The following PLGRKT variants were observed in gnomAD, a reference collection of about 807,000 sequenced individuals.
The protein encoded by PLGRKT is plasminogen receptor (KT).
A neutral mutation model predicts 18.5 loss-of-function variants in PLGRKT; 22 were observed. The observed-to-expected ratio is 1.19, with a 90% CI of 0.85 to 1.70. The LOEUF is 1.70. PLGRKT is among the 40% of genes most tolerant of loss of function. The pLI is 0.00. For missense variants in PLGRKT, 235 were observed against 174.4 expected (o/e 1.35, Z -1.96); for synonymous variants, 72 against 52.8 (o/e 1.36, Z -1.58).
chr9:5,401,794 G>A (rs1014808395), intron 3 of PLGRKT, among the ~76,000 whole-genome samples: 13 of 151,886 alleles, frequency 8.6e-5, no homozygotes, highest in Admixed American at 7.2e-4. Flanking sequence ...ATATCTGAAA[G>A]GTGACATCAA....
chr9:5,430,744 T>A (rs1035884620), intron 3 of PLGRKT, among the ~76,000 whole-genome samples: 2 of 152,226 alleles, frequency 1.3e-5, no homozygotes, highest in East Asian at 3.8e-4. Flanking sequence ...CCAGAGGACT[T>A]TCTACTCCCA....
chr9:5,379,224 G>A (rs993823857), intron 3 of PLGRKT, among the ~76,000 whole-genome samples: 2 of 151,956 alleles, frequency 1.3e-5, no homozygotes. Context: ...ATAATACCCA[G>A]GAAGAAATAC....
chr9:5,361,956 T>C, intron 3 of PLGRKT, 68 bp from the exon 4 acceptor site: 1 of 1,451,840 alleles, frequency 6.9e-7, no homozygotes, highest in Non-Finnish European at 9.4e-7. Context: ...GTTAATAATC[T>C]GTTTTTCCAG....
chr9:5,390,946 T>C (rs1346061186), intron 3 of PLGRKT, among the ~76,000 whole-genome samples: 1 of 151,838 alleles, frequency 6.6e-6, no homozygotes, highest in Admixed American at 6.6e-5. Flanking sequence ...AAGGGGGACA[T>C]TAGTGGTTGG....
At chr9:5,414,242 C>T (rs1818417375) in intron 3 of PLGRKT, among the ~76,000 whole-genome samples, 1 of 152,206 alleles carries the variant, frequency 6.6e-6, no homozygotes, top group African/African-American at 2.4e-5. Context: ...TCTCGCCTCA[C>T]TGCAACTTCC....
chr9:5,381,959 C>T, intron 3 of PLGRKT: 2 of 984,908 alleles, frequency 2.0e-6, no homozygotes, highest in Non-Finnish European at 2.4e-6. Flanking sequence ...CCTGAGCCAG[C>T]TCTCAAGCAC....
At chr9:5,432,893 A>G (rs909007449) in intron 2 of PLGRKT, among the ~76,000 whole-genome samples, 6 of 152,178 alleles carry the variant, frequency 3.9e-5, no homozygotes, top group Non-Finnish European at 8.8e-5. Context: ...AAGTGCTAAG[A>G]TTACAGCCTC....
chr9:5,395,174 T>C (rs1818021785), intron 3 of PLGRKT, among the ~76,000 whole-genome samples: 2 of 151,862 alleles, frequency 1.3e-5, no homozygotes, highest in Non-Finnish European at 2.9e-5. Context: ...AATATATTAT[T>C]GGGGTTTTAC....
intron 3 of PLGRKT, among the ~76,000 whole-genome samples, chr9:5,417,942 T>C (rs1020044819): frequency 2.6e-5 from 4 of 152,212 alleles, no homozygotes; most frequent in Non-Finnish European, 5.9e-5. Flanking sequence ...CTTAACTGAA[T>C]TTTTACAAGG....
chr9:5,362,672 A>C (rs1817293226), intron 3 of PLGRKT, among the ~76,000 whole-genome samples: 1 of 152,230 alleles, frequency 6.6e-6, no homozygotes, highest in South Asian at 2.1e-4. Context: ...CAGGGAGTTC[A>C]TGATGCAAGG....
chr9:5,362,508 A>C (rs1328197692), intron 3 of PLGRKT, among the ~76,000 whole-genome samples: 1 of 152,208 alleles, frequency 6.6e-6, no homozygotes, highest in Non-Finnish European at 1.5e-5. Flanking sequence ...ATTTTTAGAA[A>C]ATACTCAGGA....
chr9:5,382,914 A>C (rs928791052), intron 3 of PLGRKT, among the ~76,000 whole-genome samples: 2 of 152,004 alleles, frequency 1.3e-5, no homozygotes, highest in African/African-American at 4.8e-5. Flanking sequence ...GTAGGGGTTG[A>C]CTCCCTATAG....
rs577473313 is a variant in PLGRKT at position 5,418,767 on chromosome 9, G to A, written c.81+13130C>T. The stretch of plus-strand genomic sequence containing the variant: ...TGATGACAGCCAGGACCTCGGGGTC[G>A]TCGAGGAGCTGCGACACGGAGAAGT... On this transcript the variant is annotated intron_variant, in intron 3 of 5. Transcript: ENST00000223864. The surrounding 1 kb of genome is among the most constrained non-coding windows in gnomAD (Gnocchi z 4.2). 9.1e-5 allele frequency: 67 copies of A among 732,398 alleles called. 1 individual carries two copies. Among genetic ancestry groups the A allele is most frequent in the South Asian group, 5.6e-4 (35 of 62,516 alleles). The allele number at this position is 732,398 out of a possible 1,614,324, so 45.4% of individuals were successfully genotyped here.
intron 3 of PLGRKT, among the ~76,000 whole-genome samples, chr9:5,372,562 A>C (rs370027351): frequency 6.6e-6 from 1 of 152,236 alleles, no homozygotes; most frequent in South Asian, 2.1e-4. Context: ...ATGTTCAGCC[A>C]GAACGTGGGA....
In PLGRKT at chr9:5,415,752, T is replaced by C. The variant is rs144655669; in HGVS notation, c.81+16145A>G. ...ATCTCAATCTAATCATGAGAAAATA[T>C]TGAACAAACCCAAAGTAAGAAATTC... is the stretch of plus-strand genomic sequence containing the variant. On this transcript the variant is annotated intron_variant, in intron 3 of 5. Transcript: ENST00000223864. Among the ~76,000 whole-genome samples, 37 of 152,212 alleles carry C rather than the reference T, an allele frequency of 2.4e-4. 1 individual carries two copies. The East Asian group carries it at 4.2e-3, about 17-fold the overall frequency.
Position 5,418,422 on chromosome 9 carries a change from C to A in PLGRKT, c.81+13475G>T. 1 of 871,202 alleles carries A rather than the reference C, an allele frequency of 1.1e-6. No homozygotes were observed. 54.0% of individuals were successfully genotyped at this position (871,202 alleles called of 1,614,324 possible). A position where few individuals can be genotyped will look rare whatever the true frequency, so the allele number is the denominator to read the frequency against. On this transcript the variant is annotated intron_variant, in intron 3 of 5. Transcript: ENST00000223864. This position sits in a 1 kb window ranked among gnomAD's most constrained non-coding sequence, Gnocchi z 4.2. ...TAGAAATGCAGGACATGTTATGGAG[C>A]ACGATGCTGAGGAGGAAGACCAAGA...
intron 3 of PLGRKT, among the ~76,000 whole-genome samples, chr9:5,387,341 A>G (rs995086852): frequency 1.3e-4 from 20 of 151,936 alleles, no homozygotes; most frequent in African/African-American, 4.6e-4. Context: ...AAGAGGAATG[A>G]ACACATTTTC....
chr9:5,378,512 G>C (rs1817674539), intron 3 of PLGRKT, among the ~76,000 whole-genome samples: 1 of 152,156 alleles, frequency 6.6e-6, no homozygotes, highest in Non-Finnish European at 1.5e-5. Context: ...ATCAAAATTA[G>C]ACAAAAAACT....
intron 5 of PLGRKT, among the ~76,000 whole-genome samples, chr9:5,360,032 TGA>T (rs1181031417): frequency 6.6e-6 from 1 of 152,212 alleles, no homozygotes; most frequent in African/African-American, 2.4e-5. Context: ...TTGCAGCTGA[TGA>T]GAGAGTATAA....
Sources: gnomAD v4.1 joint callset for allele counts (sites outside exome capture counted in the v4.1 genomes callset) on GRCh38, gnomAD v4.1.1 for gene constraint, Gnocchi (gnomAD v3.1) non-coding constraint, MANE v1.5 for transcripts, NCBI Gene and HGNC (gene_info 2026-07-23, HGNC 2026-07-21) for gene names.